Variants in PDIA5 observed in about 807,000 individuals in gnomAD.
PDIA5 encodes the protein protein disulfide isomerase family A member 5.
In PDIA5, 58 loss-of-function variants were observed where a neutral mutation model predicts 77.6. The ratio of observed to expected loss-of-function variants is 0.75; its 90% confidence interval spans 0.61 to 0.93. The LOEUF (loss-of-function observed/expected upper bound fraction) is 0.93, where lower values mean the gene tolerates loss of function less well. Ranked by LOEUF, PDIA5 falls within the 40% of genes least tolerant of loss-of-function variation. The pLI, the probability that PDIA5 is intolerant of heterozygous loss-of-function variation, is 0.00. For synonymous variants in PDIA5, 250 were observed against 252.1 expected (o/e 0.99, Z 0.08); for missense variants, 630 against 647.7 (o/e 0.97, Z 0.30).
intron 11 of PDIA5, among the ~76,000 whole-genome samples, chr3:123,134,241 C>T (rs1484260685): frequency 6.6e-6 from 1 of 152,152 alleles, no homozygotes; most frequent in Non-Finnish European, 1.5e-5. Flanking sequence ...CCAGGCTGGT[C>T]TGCTTTGTTG....
At position 123,082,170 on chromosome 3, in the gene PDIA5, T is replaced by G. The variant is rs1420884503; in HGVS notation, c.43-6998T>G. Among the ~76,000 whole-genome samples the G allele has an allele frequency of 2.6e-5, 4 of 152,154 alleles. No homozygotes were observed. The East Asian group carries it at 7.7e-4, about 29-fold the overall frequency. Reference sequence around the variant, plus strand: ...TGGGACCCTCCTTGCCCTGGGATTCTGGGAGATAGGGGCATTTCCTGGTTG... The same window carrying G: ...TGGGACCCTCCTTGCCCTGGGATTCGGGGAGATAGGGGCATTTCCTGGTTG... On this transcript the variant is annotated intron_variant, in intron 1 of 16. Transcript: ENST00000316218.
chr3:123,152,479 A>G (rs898301595), intron 14 of PDIA5, among the ~76,000 whole-genome samples: 2 of 152,204 alleles, frequency 1.3e-5, no homozygotes, highest in African/African-American at 4.8e-5. Flanking sequence ...AAGACTTTCC[A>G]AGGACAAAAA....
chr3:123,144,516 A>G (rs1164654419), intron 11 of PDIA5: 1 of 152,262 alleles, frequency 6.6e-6, no homozygotes. Flanking sequence ...CATTTACACA[A>G]AGTGCTTAAT....
intron 7 of PDIA5, among the ~76,000 whole-genome samples, chr3:123,112,641 C>T (rs1043904784): frequency 7.3e-5 from 11 of 151,102 alleles, no homozygotes; most frequent in Middle Eastern, 6.8e-3. Context: ...CTCCGCCCCC[C>T]GGGTTCAAAT....
At chr3:123,118,019 A>T (rs1242905244) in intron 8 of PDIA5, among the ~76,000 whole-genome samples, 5 of 152,220 alleles carry the variant, frequency 3.3e-5, no homozygotes, top group African/African-American at 1.2e-4. Flanking sequence ...AAACTGCATC[A>T]TGATCTTTGT....
chr3:123,096,005 G>A (rs920512142), intron 3 of PDIA5, among the ~76,000 whole-genome samples: 6 of 152,104 alleles, frequency 3.9e-5, no homozygotes, highest in Non-Finnish European at 8.8e-5. Flanking sequence ...TTATAAGCGT[G>A]GCTGTGGGCG....
intron 2 of PDIA5, among the ~76,000 whole-genome samples, chr3:123,091,223 T>C (rs1319372625): frequency 2.0e-5 from 3 of 152,160 alleles, no homozygotes; most frequent in Non-Finnish European, 4.4e-5. Context: ...GCGATACTTT[T>C]GTTTGCTTCT....
At chr3:123,072,106 G>A (rs534061934) in intron 1 of PDIA5, among the ~76,000 whole-genome samples, 14 of 145,430 alleles carry the variant, frequency 9.6e-5, no homozygotes, top group African/African-American at 3.2e-4. Context: ...CAATCAGGCC[G>A]CATGTAGGGT....
intron 15 of PDIA5, among the ~76,000 whole-genome samples, chr3:123,159,601 A>T (rs968393519): frequency 6.6e-6 from 1 of 152,212 alleles, no homozygotes; most frequent in Non-Finnish European, 1.5e-5. Flanking sequence ...CTCCATTTCT[A>T]TGTTGGAGCT....
intron 1 of PDIA5, among the ~76,000 whole-genome samples, chr3:123,072,372 C>G (rs1017745747): frequency 6.6e-6 from 1 of 152,138 alleles, no homozygotes; most frequent in Non-Finnish European, 1.5e-5. Flanking sequence ...GCGCTTGGCA[C>G]GTGAAAGTGC....
intron 6 of PDIA5, among the ~76,000 whole-genome samples, chr3:123,107,985 G>A (rs1441805467): frequency 6.6e-6 from 1 of 151,564 alleles, no homozygotes; most frequent in Non-Finnish European, 1.5e-5. Context: ...TTTTTGTAGT[G>A]ATGGGCTATC....
chr3:123,124,399 C>A, intron 10 of PDIA5, 56 bp downstream of exon 10: 2 of 1,306,950 alleles, frequency 1.5e-6, no homozygotes, highest in Non-Finnish European at 2.2e-6. Context: ...GGGCATCTGC[C>A]GGGCCTGAGG....
chr3:123,103,006 T>C (rs994233531), intron 5 of PDIA5, among the ~76,000 whole-genome samples: 10 of 152,188 alleles, frequency 6.6e-5, no homozygotes, highest in Non-Finnish European at 1.2e-4. Context: ...GCTTTGGAAA[T>C]AGGTTTGTGA....
chr3:123,092,491 T>C, intron 3 of PDIA5, 49 bp downstream of exon 3: 1 of 1,343,410 alleles, frequency 7.4e-7, no homozygotes, highest in Non-Finnish European at 1.1e-6. Context: ...AGAGGGGCAC[T>C]TGGGGCTTTG....
chr3:123,113,207 G>A (rs1439397624), intron 7 of PDIA5, among the ~76,000 whole-genome samples: 3 of 152,218 alleles, frequency 2.0e-5, no homozygotes, highest in African/African-American at 7.2e-5. Context: ...AAATGAAGCT[G>A]TAAAATGGAG....
At position 123,162,053 on chromosome 3, in the gene PDIA5, A is replaced by G. The variant is rs1936173138; in HGVS notation, c.*93A>G. 1.3e-6 allele frequency: 1 copy of G among 758,568 alleles called. No homozygotes were observed. Among genetic ancestry groups the G allele is most frequent in the South Asian group, 1.5e-5 (1 of 64,878 alleles). The allele number at this position is 758,568 out of a possible 1,614,324, so 47.0% of individuals were successfully genotyped here. ...CACATGTTCTGAAGACAAATTTTTT[A>G]TAGCCGCTTATGGCCATTTTGTACA... On this transcript the variant is annotated 3_prime_UTR_variant, in exon 17 of 17. Transcript: ENST00000316218.
rs139240108 is a variant in PDIA5 at position 123,142,983 on chromosome 3, C to T, written c.911-2539C>T. 7.7e-3 allele frequency among the ~76,000 whole-genome samples: 1,166 copies of T among 152,234 alleles called. 15 individuals are homozygous for T. Among genetic ancestry groups the T allele is most frequent in the African/African-American group, 0.026 (1,100 of 41,532 alleles). ...TTGTCTACTAATTATTTAATTAGGT[C>T]TCTTCATTGCTGACCAGTAAATATT... On this transcript the variant is annotated intron_variant, in intron 11 of 16. Transcript: ENST00000316218.
At chr3:123,151,700 C>G (rs1935896287) in intron 14 of PDIA5, among the ~76,000 whole-genome samples, 1 of 151,990 alleles carries the variant, frequency 6.6e-6, no homozygotes, top group Non-Finnish European at 1.5e-5. Context: ...GACTCTTACC[C>G]TTTTGGGCTG....
rs938167983 is a variant in PDIA5 at position 123,159,334 on chromosome 3, C to T, written c.1345-1987C>T. Among the ~76,000 whole-genome samples, 6 of 152,206 alleles carry T rather than the reference C, an allele frequency of 3.9e-5. No homozygotes were observed. The East Asian group carries it at 9.7e-4, about 25-fold the overall frequency. Reference sequence around the variant, plus strand: ...GAACCCCACAATTTGGCCAGGGGAGCATCTGCCTCATGTTTTTAAATAATA... The same window carrying T: ...GAACCCCACAATTTGGCCAGGGGAGTATCTGCCTCATGTTTTTAAATAATA... On this transcript the variant is annotated intron_variant, in intron 15 of 16. Coordinates refer to ENST00000316218, the MANE Select transcript of PDIA5 (RefSeq NM_006810.4).
Sources: allele counts gnomAD v4.1 joint callset (sites outside exome capture counted in the v4.1 genomes callset), GRCh38; gene constraint gnomAD v4.1.1; transcripts MANE v1.5; gene names NCBI Gene and HGNC (gene_info 2026-07-23, HGNC 2026-07-21).